FRMD4A: variants seen among roughly 807,000 people sequenced by gnomAD.
FRMD4A encodes the protein FERM domain-containing protein 4A.
Under a neutral mutation model 129.1 loss-of-function variants are expected in FRMD4A, and 29 were observed. The ratio of observed to expected loss-of-function variants is 0.22; its 90% CI spans 0.17 to 0.31. The LOEUF (loss-of-function observed/expected upper bound fraction) is 0.31, where lower values mean the gene tolerates loss of function less well. FRMD4A is among the 10% of genes least tolerant of loss of function. FRMD4A has a pLI of 1.00. For synonymous variants in FRMD4A, 634 were observed against 571.6 expected (o/e 1.11, Z -1.56); for missense variants, 1,272 against 1,375.8 (o/e 0.92, Z 1.19).
chr10:14,277,352 G>A (rs76051314), intron 2 of FRMD4A, among the ~76,000 whole-genome samples: 3 of 152,152 alleles, frequency 2.0e-5, no homozygotes, highest in African/African-American at 4.8e-5. Context: ...GAAGGGGGGC[G>A]GTTAGGAGGT....
intron 2 of FRMD4A, chr10:14,008,133 A>G (rs2095668666): frequency 4.6e-6 from 6 of 1,298,138 alleles, no homozygotes; most frequent in Non-Finnish European, 6.1e-6. Flanking sequence ...ATTCGGAGCC[A>G]CTGCAGCCTG....
intron 2 of FRMD4A, among the ~76,000 whole-genome samples, chr10:14,323,728 A>T (rs1010437398): frequency 6.6e-6 from 1 of 152,136 alleles, no homozygotes; most frequent in Non-Finnish European, 1.5e-5. Context: ...CCTTCCTTTC[A>T]GTAGGTCTAG....
At position 13,659,397 on chromosome 10, in the gene FRMD4A, G is replaced by A. The variant is rs776061907; in HGVS notation, c.1992C>T (p.His664=). The A allele has an allele frequency of 3.7e-6, 6 of 1,614,112 alleles. No homozygotes were observed. Among genetic ancestry groups the A allele is most frequent in the Non-Finnish European group, 5.1e-6 (6 of 1,179,958 alleles). The stretch of plus-strand genomic sequence containing the variant: ...ACGGCATGCTGGACTGGGAGTTCCA[G>A]TGCGGGAGGCCGCGGATGGGGCTGT... ...LQNSPIRGLP[H]WNSQSSMPST... The change falls in exon 21 of 25, where the codon CAC becomes CAT. Residue 664 remains histidine (H), a synonymous_variant. Transcript: ENST00000357447.
intron 2 of FRMD4A, among the ~76,000 whole-genome samples, chr10:14,061,433 A>G (rs974746551): frequency 6.6e-6 from 1 of 152,216 alleles, no homozygotes; most frequent in African/African-American, 2.4e-5. Flanking sequence ...GTGAGACTCC[A>G]TCTCAAAAAA....
In FRMD4A at chr10:13,744,095, G is replaced by A. The variant is rs1006570649; in HGVS notation, c.549-3518C>T. 4.9e-4 allele frequency among the ~76,000 whole-genome samples: 74 copies of A among 152,148 alleles called. 4 individuals are homozygous for A. ...ACAAGGGGATACATGAAATGCATGG[G>A]TGATGGAAGGGGAAACAGGGATGGT... On this transcript the variant is annotated intron_variant, in intron 9 of 24. Coordinates refer to ENST00000357447, the MANE Select transcript of FRMD4A (RefSeq NM_018027.5).
intron 2 of FRMD4A, among the ~76,000 whole-genome samples, chr10:13,971,069 C>G (rs1229217741): frequency 6.6e-6 from 1 of 152,198 alleles, no homozygotes; most frequent in Non-Finnish European, 1.5e-5. Flanking sequence ...ACCCCCAACA[C>G]ACAGGTGCAC....
At chr10:13,958,283 T>TA (rs1331948974) in intron 2 of FRMD4A, among the ~76,000 whole-genome samples, 3 of 78,920 alleles carry the variant, frequency 3.8e-5, no homozygotes, top group Non-Finnish European at 6.1e-5. Context: ...TGACCATTGT[T>TA]TTTTTTTTTT....
chr10:14,293,479 A>G (rs914227652), intron 2 of FRMD4A, among the ~76,000 whole-genome samples: 7 of 152,238 alleles, frequency 4.6e-5, no homozygotes, highest in Non-Finnish European at 8.8e-5. Context: ...AGTTTACAAA[A>G]GAGTAAATGC....
chr10:13,961,554 T>G (rs1030291563), intron 2 of FRMD4A, among the ~76,000 whole-genome samples: 3 of 152,238 alleles, frequency 2.0e-5, no homozygotes, highest in African/African-American at 4.8e-5. Context: ...CCATAGCAAC[T>G]TTGGTTTGAT....
chr10:13,755,833 G>A (rs946198897), intron 8 of FRMD4A, among the ~76,000 whole-genome samples: 1 of 152,188 alleles, frequency 6.6e-6, no homozygotes, highest in African/African-American at 2.4e-5. Flanking sequence ...GAGATGTCAT[G>A]TAAACTGGCC....
rs190608545 is a variant in FRMD4A at position 13,770,006 on chromosome 10, C to T, written c.385-7326G>A. 6.6e-5 allele frequency among the ~76,000 whole-genome samples: 10 copies of T among 152,234 alleles called. No individual in the cohort carries two copies. In the East Asian group the frequency reaches 1.9e-3, roughly 29 times the overall value. On this transcript the variant is annotated intron_variant, in intron 6 of 24. Transcript: ENST00000357447. ...CCCATGATCTTGTGAGCCAACTCCT[C>T]ATAAGAAGTCTCTTTCTGTATATCT...
intron 2 of FRMD4A, among the ~76,000 whole-genome samples, chr10:14,311,914 T>C (rs1846563400): frequency 6.6e-6 from 1 of 152,322 alleles, no homozygotes; most frequent in South Asian, 2.1e-4. Context: ...ATAAGGTCAT[T>C]GAAGTGAGGG....
intron 2 of FRMD4A, among the ~76,000 whole-genome samples, chr10:14,081,630 C>T (rs937874498): frequency 6.6e-6 from 1 of 152,194 alleles, no homozygotes; most frequent in Non-Finnish European, 1.5e-5. Context: ...ATCCAATAAT[C>T]ATAATAATCC....
intron 2 of FRMD4A, among the ~76,000 whole-genome samples, chr10:14,220,783 CGTGTGTGT>C (rs71388166): frequency 4.9e-5 from 7 of 141,654 alleles, no homozygotes; most frequent in Admixed American, 1.4e-4. Context: ...GGCTGAGTTG[CGTGTGTGT>C]GTGTGTGTGT....
At chr10:14,306,087 T>C (rs1191035350) in intron 2 of FRMD4A, among the ~76,000 whole-genome samples, 1 of 152,212 alleles carries the variant, frequency 6.6e-6, no homozygotes, top group Non-Finnish European at 1.5e-5. Flanking sequence ...CACACATTTA[T>C]ATAACAAATA....
chr10:13,678,684 C>T lies in FRMD4A; in HGVS notation c.1118-3640G>A, dbSNP rs181519202. Reference sequence around the variant, plus strand: ...TCTTCACTGTTGCTCAATGAAGTATCGGTCAAAGAGCTTCGTACCCAATTC... The same window carrying T: ...TCTTCACTGTTGCTCAATGAAGTATTGGTCAAAGAGCTTCGTACCCAATTC... On this transcript the variant is annotated intron_variant, in intron 15 of 24. Coordinates refer to ENST00000357447, the MANE Select transcript of FRMD4A (RefSeq NM_018027.5). Among the ~76,000 whole-genome samples, 64 of 152,342 alleles carry T rather than the reference C, an allele frequency of 4.2e-4. No homozygotes were observed. In the Middle Eastern group the frequency reaches 0.01, roughly 24 times the overall value.
chr10:13,782,653 A>G (rs528901361), intron 6 of FRMD4A, among the ~76,000 whole-genome samples: 2 of 152,144 alleles, frequency 1.3e-5, no homozygotes, highest in East Asian at 1.9e-4. Flanking sequence ...CACGTTGGCC[A>G]GGATAATCTC....
chr10:14,068,113 T>C (rs10796152), intron 2 of FRMD4A, among the ~76,000 whole-genome samples: 90,578 of 150,944 alleles, frequency 0.6, 27,907 homozygotes, highest in East Asian at 0.84. Flanking sequence ...TATAAATATT[T>C]CGGAGAGCAG....
intron 2 of FRMD4A, among the ~76,000 whole-genome samples, chr10:14,265,562 A>T (rs1227216326): frequency 6.6e-6 from 1 of 152,252 alleles, no homozygotes; most frequent in African/African-American, 2.4e-5. Flanking sequence ...AACTATAAGA[A>T]TATAGCTTTC....
Sources: allele counts gnomAD v4.1 joint callset (sites outside exome capture counted in the v4.1 genomes callset), GRCh38; gene constraint gnomAD v4.1.1; transcripts MANE v1.5; gene names NCBI Gene and HGNC (gene_info 2026-07-23, HGNC 2026-07-21).